Variants in FANCD2 observed in about 807,000 individuals in gnomAD.
FANCD2 encodes the protein FA complementation group D2, also known as Fanconi anemia group D2 protein.
In FANCD2, 131 loss-of-function variants were observed where a neutral mutation model predicts 192.3. The observed-to-expected ratio is 0.68, with a 90% CI of 0.59 to 0.79. The LOEUF (loss-of-function observed/expected upper bound fraction) is 0.79, where lower values mean the gene tolerates loss of function less well. FANCD2 is among the 30% of genes least tolerant of loss of function. The pLI is 0.00. For missense variants in FANCD2, 1,508 were observed against 1,701.6 expected (o/e 0.89, Z 2.00); for synonymous variants, 524 against 612.5 (o/e 0.86, Z 2.13).
At chr3:10,098,653 C>A (rs890818858) in intron 42 of FANCD2, 67 bp from the exon 43 acceptor site, 3 of 1,580,358 alleles carry the variant, frequency 1.9e-6, no homozygotes, top group East Asian at 4.6e-5. Flanking sequence ...GTAAACTCAA[C>A]CTTCTCCCCT....
chr3:10,043,956 C>A (rs1017419123), intron 14 of FANCD2, 92 bp downstream of exon 14: 8 of 1,056,808 alleles, frequency 7.6e-6, no homozygotes, highest in Admixed American at 3.7e-5. Context: ...CTTTCTCCCC[C>A]CTCCAGTCAC....
intron 30 of FANCD2, among the ~76,000 whole-genome samples, chr3:10,079,606 G>A (rs1217687609): frequency 2.0e-5 from 3 of 152,046 alleles, no homozygotes; most frequent in African/African-American, 7.2e-5. Context: ...GATTATAGGC[G>A]TGAGCACTGC....
chr3:10,038,006 T>C (rs1169181168), intron 7 of FANCD2, among the ~76,000 whole-genome samples: 1 of 152,228 alleles, frequency 6.6e-6, no homozygotes, highest in African/African-American at 2.4e-5. Flanking sequence ...GTTTACTTAT[T>C]TTGAGACGGA....
intron 33 of FANCD2, 123 bp from the exon 34 acceptor site, chr3:10,087,011 T>C: frequency 9.5e-7 from 1 of 1,055,754 alleles, no homozygotes; most frequent in Non-Finnish European, 1.5e-6. Context: ...CACCTGAAAA[T>C]AAGGAGGATT....
intron 18 of FANCD2, among the ~76,000 whole-genome samples, chr3:10,054,450 T>C (rs1192887278): frequency 9.0e-5 from 2 of 22,166 alleles, no homozygotes; most frequent in Non-Finnish European, 1.6e-4. Flanking sequence ...TATATACATA[T>C]ATATATATAT....
At chr3:10,056,409 A>G (rs1386119386) in intron 18 of FANCD2, among the ~76,000 whole-genome samples, 3 of 152,166 alleles carry the variant, frequency 2.0e-5, no homozygotes, top group South Asian at 4.1e-4. Flanking sequence ...TGCTTTCCAT[A>G]GCAGCTGCAT....
chr3:10,035,461 A>G (rs535264707), intron 6 of FANCD2, among the ~76,000 whole-genome samples: 89 of 152,254 alleles, frequency 5.8e-4, no homozygotes, highest in African/African-American at 1.9e-3. Context: ...TTCTCTCTGC[A>G]TCTGATTCCT....
At position 10,054,419 on chromosome 3, in the gene FANCD2, A is replaced by G. The variant is rs558362135; in HGVS notation, c.1656+1922A>G. Among the ~76,000 whole-genome samples the G allele has an allele frequency of 1.7e-3, 160 of 91,952 alleles. 1 individual carries two copies. The highest frequency in any genetic ancestry group is 2.6e-3 in the Non-Finnish European group (137 of 52,342). The allele number at this position is 91,952 out of a possible 152,430, so 60.3% of individuals were successfully genotyped here. On this transcript the variant is annotated intron_variant, in intron 18 of 43. Coordinates refer to ENST00000675286, the MANE Select transcript of FANCD2 (RefSeq NM_001018115.3). ...TACGTATATGTATATACGTATATAC[A>G]TATATACATGTATATACATGTATAT...
intron 14 of FANCD2, among the ~76,000 whole-genome samples, 199 bp downstream of exon 14, chr3:10,044,063 C>G (rs1458996261): frequency 6.6e-6 from 1 of 152,164 alleles, no homozygotes; most frequent in African/African-American, 2.4e-5. Context: ...CCTACTCACT[C>G]TGGCTATAAA....
At position 10,101,522 on chromosome 3, in the gene FANCD2, A is replaced by T. The variant is rs1695300415; in HGVS notation, c.*260A>T. On this transcript the variant is annotated 3_prime_UTR_variant, in exon 44 of 44. Coordinates refer to ENST00000675286, the MANE Select transcript of FANCD2 (RefSeq NM_001018115.3). ...TGCCTCAGCCTCCTGAGTAGCTGGG[A>T]CGACAGGCACATGCCACCATGCCCA... 2.2e-6 allele frequency: 1 copy of T among 455,636 alleles called. No individual in the cohort carries two copies. Among genetic ancestry groups the T allele is most frequent in the African/African-American group, 2.0e-5 (1 of 50,954 alleles). 28.2% of individuals were successfully genotyped at this position (455,636 alleles called of 1,614,324 possible).
chr3:10,075,126 TTCTAA>T (rs1693463276), intron 29 of FANCD2, among the ~76,000 whole-genome samples: 1 of 152,190 alleles, frequency 6.6e-6, no homozygotes, highest in African/African-American at 2.4e-5. Context: ...TTCAAATAAC[TTCTAA>T]TCTAATCAAA....
rs537143479 is a variant in FANCD2, at chr3:10,075,718, A to AAAT, written c.2859+1047_2859+1049dup. Among the ~76,000 whole-genome samples the AAAT allele has an allele frequency of 1.7e-3, 256 of 148,110 alleles. 1 individual carries two copies. Among genetic ancestry groups the AAAT allele is most frequent in the Non-Finnish European group, 2.1e-3 (140 of 67,674 alleles). On this transcript the variant is annotated intron_variant, in intron 29 of 43. Coordinates refer to ENST00000675286, the MANE Select transcript of FANCD2 (RefSeq NM_001018115.3). The stretch of plus-strand genomic sequence containing the variant: ...ACGAATGTAGGTACCTTCAGAACAG[A>AAAT]AATAGTATCCTTTTTTTTTTTTTTT...
rs571244921 is a variant in FANCD2, at chr3:10,039,518, T to G, written c.570+161T>G. 2.1e-4 allele frequency among the ~76,000 whole-genome samples: 32 copies of G among 152,354 alleles called. No homozygotes were observed. The South Asian group carries it at 6.6e-3, about 32-fold the overall frequency. On this transcript the variant is annotated intron_variant, in intron 8 of 43. Transcript: ENST00000675286. ...TTTGAGAATCATAGATACTTCACCC[T>G]TTAAATTTCAGAAAAGTTTAAATAC...
intron 32 of FANCD2, among the ~76,000 whole-genome samples, chr3:10,084,472 T>C (rs1042781853): frequency 3.3e-5 from 5 of 151,532 alleles, no homozygotes; most frequent in African/African-American, 4.9e-5. Context: ...CCTTTTTTTT[T>C]TCTTTGGTAG....
chr3:10,034,731 A>G lies in FANCD2; in HGVS notation c.310A>G (p.Ile104Val), dbSNP rs774299094. The change falls in exon 5 of 44, where the codon ATT (isoleucine) becomes GTT (valine). Residue 104 changes from isoleucine (I) to valine (V), a missense_variant. Transcript: ENST00000675286. The stretch of plus-strand genomic sequence containing the variant: ...ATTTGTTAGTGGCCTGGAGTCTTAC[A>G]TTGAGGATGAAGACAGTTTCAGGAA... ...EEFVSGLESY[I>V]EDEDSFRNCL... is the part of the protein sequence containing the mutation. 5 of 1,572,516 alleles carry G rather than the reference A, an allele frequency of 3.2e-6. No individual in the cohort carries two copies. Among genetic ancestry groups the G allele is most frequent in the East Asian group, 4.6e-5 (2 of 43,376 alleles).
rs1015437429 is a variant in FANCD2 at position 10,088,127 on chromosome 3, G to A, written c.3467-322G>A. Among the ~76,000 whole-genome samples the A allele has an allele frequency of 1.1e-4, 16 of 152,282 alleles. 1 individual carries two copies. In the South Asian group the frequency reaches 2.9e-3, roughly 28 times the overall value. On this transcript the variant is annotated intron_variant, in intron 34 of 43. Transcript: ENST00000675286. Reference sequence around the variant, plus strand: ...CCACTGCTATTGGCCAGCCCAGGAGGAACAAGATTGGCCTTCCCACTGCCC... The same window carrying A: ...CCACTGCTATTGGCCAGCCCAGGAGAAACAAGATTGGCCTTCCCACTGCCC...
At chr3:10,062,070 G>A in intron 19 of FANCD2, 81 bp from the exon 20 acceptor site, 1 of 1,038,662 alleles carries the variant, frequency 9.6e-7, no homozygotes, top group South Asian at 1.4e-5. Flanking sequence ...GTATACATAT[G>A]TAACAAACCT....
chr3:10,073,167 C>T, intron 27 of FANCD2, 86 bp from the exon 28 acceptor site: 1 of 1,129,978 alleles, frequency 8.8e-7, no homozygotes, highest in Non-Finnish European at 1.3e-6. Flanking sequence ...TAGGCAGTTT[C>T]CAACAGGTTG....
intron 2 of FANCD2, among the ~76,000 whole-genome samples, chr3:10,031,850 C>G (rs995689533): frequency 1.3e-5 from 2 of 152,028 alleles, no homozygotes; most frequent in Non-Finnish European, 2.9e-5. Context: ...ATGGAATATG[C>G]CTTTTTTTTC....
Sources: gnomAD v4.1 joint callset for allele counts (sites outside exome capture counted in the v4.1 genomes callset) on GRCh38, gnomAD v4.1.1 for gene constraint, MANE v1.5 for transcripts, NCBI Gene and HGNC (gene_info 2026-07-23, HGNC 2026-07-21) for gene names.